The following GLRA3 variants were observed in gnomAD, a reference collection of about 807,000 sequenced individuals.
GLRA3 encodes the protein glycine receptor alpha 3.
Under a neutral mutation model 60.4 loss-of-function variants are expected in GLRA3, and 44 were observed. The observed-to-expected ratio is 0.73, with a 90% CI of 0.57 to 0.94. GLRA3 has a LOEUF of 0.94. GLRA3 is among the 40% of genes least tolerant of loss of function. The pLI is 0.00. For synonymous variants in GLRA3, 223 were observed against 192.9 expected (o/e 1.16, Z -1.29); for missense variants, 508 against 564.6 (o/e 0.90, Z 1.02).
intron 2 of GLRA3, among the ~76,000 whole-genome samples, chr4:174,780,319 A>C (rs1171858062): frequency 6.6e-6 from 1 of 151,254 alleles, no homozygotes; most frequent in Non-Finnish European, 1.5e-5. Flanking sequence ...GGAAGCACTA[A>C]ACATGGAAAG....
At position 174,744,379 on chromosome 4, in the gene GLRA3, G is replaced by C. The variant is rs542360148; in HGVS notation, c.268-15681C>G. Among the ~76,000 whole-genome samples the C allele has an allele frequency of 1.1e-4, 17 of 152,354 alleles. No individual in the cohort carries two copies. The Middle Eastern group carries it at 0.017, about 152-fold the overall frequency. ...CCTACTGACACAGGTGCTGGTGTAT[G>C]CTGCCCTGGGAGCCGAAGAACAGGC... On this transcript the variant is annotated intron_variant, in intron 3 of 9. Transcript: ENST00000274093.
intron 3 of GLRA3, among the ~76,000 whole-genome samples, chr4:174,751,185 A>G (rs1195759666): frequency 6.6e-6 from 1 of 152,014 alleles, no homozygotes; most frequent in Non-Finnish European, 1.5e-5. Flanking sequence ...CCTTTATAGA[A>G]GCTTTTTCTG....
chr4:174,734,096 A>ATTT (rs1736674915), intron 3 of GLRA3, among the ~76,000 whole-genome samples: 1 of 152,152 alleles, frequency 6.6e-6, no homozygotes, highest in Admixed American at 6.5e-5. Context: ...AGATGGAAAA[A>ATTT]ATAATCCAGA....
chr4:174,761,174 T>TAATAAAAAATACTTCAAAAAG (rs1365433160), intron 3 of GLRA3, among the ~76,000 whole-genome samples: 14 of 152,220 alleles, frequency 9.2e-5, no homozygotes, highest in Non-Finnish European at 1.8e-4. Context: ...AACTTTTTTT[T>TAATAAAAAATACTTCAAAAAG]AATAAAAAAT....
intron 3 of GLRA3, among the ~76,000 whole-genome samples, chr4:174,743,277 A>G (rs1737094988): frequency 6.6e-6 from 1 of 152,206 alleles, no homozygotes; most frequent in Non-Finnish European, 1.5e-5. Context: ...ATAAAATTAA[A>G]GAATCTAATA....
chr4:174,650,686 T>C (rs1234803049), intron 9 of GLRA3, among the ~76,000 whole-genome samples: 1 of 152,164 alleles, frequency 6.6e-6, no homozygotes, highest in African/African-American at 2.4e-5. Flanking sequence ...AATAGTGTAT[T>C]CAAGACCAAC....
At chr4:174,700,819 C>G (rs915019256) in intron 5 of GLRA3, among the ~76,000 whole-genome samples, 1 of 152,148 alleles carries the variant, frequency 6.6e-6, no homozygotes, top group Non-Finnish European at 1.5e-5. Context: ...TAAGCCTAAA[C>G]CAAATCTACA....
rs1732615206 is a variant in GLRA3 at position 174,641,207 on chromosome 4, A to T, written c.*2579T>A. 1 of 152,148 alleles carries T rather than the reference A, an allele frequency of 6.6e-6. No homozygotes were observed. Among genetic ancestry groups the T allele is most frequent in the Admixed American group, 6.6e-5 (1 of 15,262 alleles). The allele number at this position is 152,148 out of a possible 1,614,324, so 9.4% of individuals were successfully genotyped here. On this transcript the variant is annotated 3_prime_UTR_variant, in exon 10 of 10. Transcript: ENST00000274093. ...TTTTAAAATACTTCAGAATATGCACATTGGAATTCCAATTTGTGTGTTTAG... is the reference window on the plus strand; with the variant it reads ...TTTTAAAATACTTCAGAATATGCACTTTGGAATTCCAATTTGTGTGTTTAG...
At chr4:174,689,104 G>T (rs1734680551) in intron 5 of GLRA3, among the ~76,000 whole-genome samples, 1 of 152,092 alleles carries the variant, frequency 6.6e-6, no homozygotes. Context: ...GAACTCTAAG[G>T]CTTTCCAACT....
chr4:174,756,385 T>C (rs1035911512), intron 3 of GLRA3, among the ~76,000 whole-genome samples: 1 of 151,970 alleles, frequency 6.6e-6, no homozygotes, highest in Non-Finnish European at 1.5e-5. Context: ...TAGCAATATA[T>C]AAAAAGAATA....
chr4:174,702,789 A>G (rs182055428), intron 5 of GLRA3, among the ~76,000 whole-genome samples: 9 of 152,272 alleles, frequency 5.9e-5, no homozygotes, highest in African/African-American at 2.2e-4. Flanking sequence ...ACTAGTCTCA[A>G]ACTCCTGGCC....
At chr4:174,701,361 C>T (rs1413161531) in intron 5 of GLRA3, among the ~76,000 whole-genome samples, 3 of 152,178 alleles carry the variant, frequency 2.0e-5, no homozygotes, top group Non-Finnish European at 4.4e-5. Context: ...CAGTTGAGAC[C>T]TATTGCTCAG....
At chr4:174,808,713 G>C (rs1371624397) in intron 1 of GLRA3, among the ~76,000 whole-genome samples, 1 of 151,952 alleles carries the variant, frequency 6.6e-6, no homozygotes, top group Non-Finnish European at 1.5e-5. Flanking sequence ...GTGGAAGATG[G>C]TGATAGTGAT....
At chr4:174,698,391 G>A (rs1261518029) in intron 5 of GLRA3, among the ~76,000 whole-genome samples, 1 of 151,966 alleles carries the variant, frequency 6.6e-6, no homozygotes, top group African/African-American at 2.4e-5. Flanking sequence ...GTCTTCTTAT[G>A]TTCCCCAGGG....
At chr4:174,652,226 A>AT (rs1285529585) in intron 9 of GLRA3, among the ~76,000 whole-genome samples, 3 of 151,894 alleles carry the variant, frequency 2.0e-5, no homozygotes, top group African/African-American at 4.8e-5. Context: ...TAGCACTCAA[A>AT]TTTTTTTTGA....
At chr4:174,730,276 G>A (rs757360428) in intron 3 of GLRA3, among the ~76,000 whole-genome samples, 2 of 152,154 alleles carry the variant, frequency 1.3e-5, no homozygotes, top group Non-Finnish European at 2.9e-5. Flanking sequence ...CAGCTCCATG[G>A]TTGGTGGCCA....
intron 1 of GLRA3, among the ~76,000 whole-genome samples, chr4:174,824,663 T>C (rs1740887051): frequency 6.6e-6 from 1 of 152,178 alleles, no homozygotes; most frequent in South Asian, 2.1e-4. Flanking sequence ...ATCATTCGTT[T>C]TGCATAGAAT....
intron 7 of GLRA3, among the ~76,000 whole-genome samples, chr4:174,661,620 G>T (rs1733444735): frequency 6.6e-6 from 1 of 152,070 alleles, no homozygotes; most frequent in Admixed American, 6.6e-5. Flanking sequence ...CTTGCTCCTG[G>T]TCCCATCCCC....
chr4:174,664,665 A>T (rs1733585764), intron 7 of GLRA3, among the ~76,000 whole-genome samples: 1 of 152,208 alleles, frequency 6.6e-6, no homozygotes, highest in Admixed American at 6.6e-5. Context: ...TCCTTGACAC[A>T]ACAGTTAGTG....
Sources: gnomAD v4.1 joint callset for allele counts (sites outside exome capture counted in the v4.1 genomes callset) on GRCh38, gnomAD v4.1.1 for gene constraint, MANE v1.5 for transcripts, NCBI Gene and HGNC (gene_info 2026-07-23, HGNC 2026-07-21) for gene names.